The following HAPLN1 variants were observed in gnomAD, a reference collection of about 807,000 sequenced individuals.
The protein encoded by HAPLN1 is hyaluronan and proteoglycan link protein 1, also known as Cartilage link protein.
Under a neutral mutation model 36.5 loss-of-function variants are expected in HAPLN1, and 13 were observed. That is an observed-to-expected ratio of 0.36 (90% CI 0.23 to 0.57). The LOEUF is 0.57. Ranked by LOEUF, HAPLN1 falls within the 20% of genes least tolerant of loss-of-function variation. The probability of loss-of-function intolerance (pLI) is 0.83; values close to 1 mark genes in which losing one functional copy is unlikely to be tolerated. For synonymous variants in HAPLN1, 202 were observed against 169.8 expected, an observed-to-expected ratio of 1.19 and a Z score of -1.48; for missense variants, 407 against 439.7, an observed-to-expected ratio of 0.93 and a Z score of 0.66.
chr5:83,648,597 C>A (rs1749955452), intron 3 of HAPLN1, among the ~76,000 whole-genome samples: 1 of 151,014 alleles, frequency 6.6e-6, no homozygotes, highest in South Asian at 2.1e-4. Context: ...GTGTAAATAG[C>A]ATTTAAGCTG....
rs1400005828 is a variant in HAPLN1, at chr5:83,641,544, A to G, written c.1017T>C (p.Asp339=). ...EAAVRFVGFP[D]KKHKLYGVYC... Reference sequence around the variant, plus strand: ...AGACACCATACAGCTTATGCTTTTTATCTGGGAAACCCACGAAGCGCACTG... The same window carrying G: ...AGACACCATACAGCTTATGCTTTTTGTCTGGGAAACCCACGAAGCGCACTG... The change falls in exon 5 of 5, where the codon GAT becomes GAC. Residue 339 remains aspartate (D), a synonymous_variant. Coordinates refer to ENST00000274341, the MANE Select transcript of HAPLN1 (RefSeq NM_001884.4). The G allele has an allele frequency of 6.2e-7, 1 of 1,613,978 alleles. No individual in the cohort carries two copies. Among genetic ancestry groups the G allele is most frequent in the Admixed American group, 1.7e-5 (1 of 60,014 alleles).
chr5:83,687,936 A>G (rs990073078), intron 1 of HAPLN1, among the ~76,000 whole-genome samples: 3 of 152,210 alleles, frequency 2.0e-5, no homozygotes, highest in South Asian at 4.1e-4. Context: ...AGATATAAGC[A>G]TTGGATAGAC....
chr5:83,661,738 C>T (rs573235377), intron 2 of HAPLN1, among the ~76,000 whole-genome samples: 23 of 152,190 alleles, frequency 1.5e-4, no homozygotes, highest in Non-Finnish European at 2.8e-4. Flanking sequence ...CAACGGCACC[C>T]GGCCCAGAAA....
rs1318576532 is a variant in HAPLN1, at chr5:83,697,859, TC to T, written c.-27+22929del. On this transcript the variant is annotated intron_variant, in intron 1 of 4. Coordinates refer to ENST00000274341, the MANE Select transcript of HAPLN1 (RefSeq NM_001884.4). ...TCTTTGGGAGAAATGTCTATTCCGA[TC>T]TTTTGTCCATTTTTTAATTGGGCTG... is the stretch of plus-strand genomic sequence containing the variant. Among the ~76,000 whole-genome samples, 6 of 152,280 alleles carry T rather than the reference TC, an allele frequency of 3.9e-5. No homozygotes were observed. The East Asian group carries it at 1.2e-3, about 29-fold the overall frequency.
At chr5:83,712,179 G>A (rs1418268187) in intron 1 of HAPLN1, among the ~76,000 whole-genome samples, 1 of 152,106 alleles carries the variant, frequency 6.6e-6, no homozygotes, top group Non-Finnish European at 1.5e-5. Flanking sequence ...ATACCTCAAA[G>A]TGTCACAAGG....
intron 1 of HAPLN1, among the ~76,000 whole-genome samples, chr5:83,711,210 T>A (rs1013979654): frequency 6.6e-6 from 1 of 152,160 alleles, no homozygotes; most frequent in African/African-American, 2.4e-5. Context: ...TGGCTTCTAT[T>A]TTCCATGTGA....
At chr5:83,709,309 G>C (rs1751723406) in intron 1 of HAPLN1, among the ~76,000 whole-genome samples, 1 of 152,068 alleles carries the variant, frequency 6.6e-6, no homozygotes, top group Non-Finnish European at 1.5e-5. Flanking sequence ...AAGGCAAAAT[G>C]CTCTCCTAAA....
chr5:83,699,712 T>C (rs879849233), intron 1 of HAPLN1, among the ~76,000 whole-genome samples: 5 of 152,190 alleles, frequency 3.3e-5, no homozygotes, highest in African/African-American at 4.8e-5. Context: ...GCTACATAAA[T>C]GAAATGTGTA....
intron 1 of HAPLN1, among the ~76,000 whole-genome samples, chr5:83,681,674 A>G (rs1751004059): frequency 6.6e-6 from 1 of 152,060 alleles, no homozygotes; most frequent in African/African-American, 2.4e-5. Context: ...CCAAACCAGG[A>G]TAATTTTTTG....
Position 83,710,946 on chromosome 5 carries a change from G to A in HAPLN1, c.-27+9843C>T, listed in dbSNP as rs185150171. On this transcript the variant is annotated intron_variant, in intron 1 of 4. Transcript: ENST00000274341. ...AGCCTGGGCGACAGAGAGAGATTCC[G>A]TCTCAAAAAAGAAAAAAAAAGAAAA... 2.7e-3 allele frequency among the ~76,000 whole-genome samples: 407 copies of A among 151,412 alleles called. 3 individuals are homozygous for A. Among genetic ancestry groups the A allele is most frequent in the African/African-American group, 9.0e-3 (371 of 41,206 alleles).
Position 83,641,662 on chromosome 5 carries a change from C to T in HAPLN1, c.899G>A (p.Gly300Glu). The T allele has an allele frequency of 6.2e-7, 1 of 1,614,168 alleles. No homozygotes were observed. Among genetic ancestry groups the T allele is most frequent in the Non-Finnish European group, 8.5e-7 (1 of 1,180,038 alleles). ...CCAGCCCGCATCACAGCGGTCATAT[C>T]CGAGAATTTTCCAGGCAGCAAATAT... The part of the protein sequence containing the change: ...GQIFAAWKIL[G>E]YDRCDAGWLA... The change falls in exon 5 of 5, where the codon GGA (glycine) becomes GAA (glutamate). Residue 300 changes from glycine to glutamate, a missense_variant. By Grantham distance (98) the Gly-to-Glu change is moderately conservative. Coordinates refer to ENST00000274341, the MANE Select transcript of HAPLN1 (RefSeq NM_001884.4).
rs767095853 is a variant in HAPLN1, at chr5:83,681,819, G to A, written c.-26-8270C>T. Among the ~76,000 whole-genome samples the A allele has an allele frequency of 8.5e-5, 13 of 152,180 alleles. 1 individual carries two copies. Among genetic ancestry groups the A allele is most frequent in the African/African-American group, 1.4e-4 (6 of 41,440 alleles). ...TTAGGAAATTCAGAATTGGTCAGGC[G>A]TGGTGGAGGAAATTTAGAATTTAGA... On this transcript the variant is annotated intron_variant, in intron 1 of 4. Coordinates refer to ENST00000274341, the MANE Select transcript of HAPLN1 (RefSeq NM_001884.4).
At chr5:83,708,713 TA>T (rs1011088908) in intron 1 of HAPLN1, among the ~76,000 whole-genome samples, 6 of 151,968 alleles carry the variant, frequency 3.9e-5, no homozygotes, top group Non-Finnish European at 8.8e-5. Context: ...AACTAAAAGT[TA>T]AAAAAAAGGA....
intron 2 of HAPLN1, among the ~76,000 whole-genome samples, chr5:83,670,307 G>A (rs1750671719): frequency 6.6e-6 from 1 of 152,178 alleles, no homozygotes; most frequent in South Asian, 2.1e-4. Flanking sequence ...ATTGTGACAT[G>A]AGGAACAAAA....
At chr5:83,669,560 A>G (rs1054610853) in intron 2 of HAPLN1, among the ~76,000 whole-genome samples, 4 of 152,204 alleles carry the variant, frequency 2.6e-5, no homozygotes, top group Admixed American at 1.3e-4. Context: ...TTAAATTGTG[A>G]AATTAAAGAA....
intron 1 of HAPLN1, among the ~76,000 whole-genome samples, chr5:83,718,487 C>T (rs544013042): frequency 6.6e-6 from 1 of 152,208 alleles, no homozygotes; most frequent in Non-Finnish European, 1.5e-5. Flanking sequence ...TTTATACCAC[C>T]TCGTCCTCTC....
At chr5:83,645,162 G>GTT (rs1031997454) in intron 3 of HAPLN1, among the ~76,000 whole-genome samples, 1 of 152,044 alleles carries the variant, frequency 6.6e-6, no homozygotes, top group African/African-American at 2.4e-5. Context: ...AATTCACAAT[G>GTT]TTTTTCTTAG....
intron 1 of HAPLN1, among the ~76,000 whole-genome samples, chr5:83,698,693 C>A (rs1447317798): frequency 6.6e-6 from 1 of 152,082 alleles, no homozygotes; most frequent in Non-Finnish European, 1.5e-5. Flanking sequence ...CACTATGAGG[C>A]AAATATTGTC....
intron 1 of HAPLN1, 73 bp from the exon 2 acceptor site, chr5:83,673,622 T>C (rs988814568): frequency 6.2e-6 from 5 of 805,446 alleles, no homozygotes; most frequent in South Asian, 1.5e-5. Flanking sequence ...CACAACTTAT[T>C]ACCGCCTTAT....
Sources: allele counts gnomAD v4.1 joint callset (sites outside exome capture counted in the v4.1 genomes callset), GRCh38; gene constraint gnomAD v4.1.1; transcripts MANE v1.5; gene names NCBI Gene and HGNC (gene_info 2026-07-23, HGNC 2026-07-21).